The following HAPLN3 variants were observed in gnomAD, a reference collection of about 807,000 sequenced individuals.
HAPLN3 encodes extracellular link domain containing, 1.
A neutral mutation model predicts 28.1 loss-of-function variants in HAPLN3; 28 were observed. The ratio of observed to expected loss-of-function variants is 1.00; its 90% confidence interval spans 0.74 to 1.37. The LOEUF (loss-of-function observed/expected upper bound fraction) is 1.37, where lower values mean the gene tolerates loss of function less well. HAPLN3 is among the 40% of genes most tolerant of loss of function. The probability of loss-of-function intolerance (pLI) is 0.00; values close to 1 mark genes in which losing one functional copy is unlikely to be tolerated. For synonymous variants in HAPLN3, 211 were observed against 213.1 expected (o/e 0.99, Z 0.09); for missense variants, 513 against 504.6 (o/e 1.02, Z -0.16).
Position 88,880,549 on chromosome 15 carries a change from T to A in HAPLN3, c.493+808A>T. 1 of 1,287,988 alleles carries A rather than the reference T, an allele frequency of 7.8e-7. No individual in the cohort carries two copies. Among genetic ancestry groups the A allele is most frequent in the Non-Finnish European group, 1.0e-6 (1 of 987,768 alleles). The allele number at this position is 1,287,988 out of a possible 1,614,324, so 79.8% of individuals were successfully genotyped here. A position where few individuals can be genotyped will look rare whatever the true frequency, so the allele number is the denominator to read the frequency against. ...GGCTGGGGCTAAAGTCAGGTCACCTTCCTCTATCCCCGAACTGCCTCCCTA... is the reference window on the plus strand; with the variant it reads ...GGCTGGGGCTAAAGTCAGGTCACCTACCTCTATCCCCGAACTGCCTCCCTA... On this transcript the variant is annotated intron_variant, in intron 3 of 4. Transcript: ENST00000359595. This position sits in a 1 kb window ranked among gnomAD's most constrained non-coding sequence, Gnocchi z 6.0.
intron 1 of HAPLN3, chr15:88,892,835 C>A: frequency 3.2e-6 from 3 of 932,416 alleles, no homozygotes; most frequent in Non-Finnish European, 4.7e-6. Flanking sequence ...CCATCTCTGA[C>A]CATCCCTGAC....
chr15:88,893,105 T>A (rs1230158493), intron 1 of HAPLN3: 1 of 805,978 alleles, frequency 1.2e-6, no homozygotes, highest in South Asian at 1.4e-5. Flanking sequence ...GTGCCTCCAT[T>A]TCCTCATCTG....
At chr15:88,883,993 C>A (rs1262084982) in intron 2 of HAPLN3, among the ~76,000 whole-genome samples, 1 of 151,740 alleles carries the variant, frequency 6.6e-6, no homozygotes, top group Non-Finnish European at 1.5e-5. Flanking sequence ...GTGGAAGGAT[C>A]TCTTGAGCCC....
At chr15:88,886,661 C>A (rs962880787) in intron 2 of HAPLN3, among the ~76,000 whole-genome samples, 2 of 151,854 alleles carry the variant, frequency 1.3e-5, no homozygotes, top group Non-Finnish European at 2.9e-5. Context: ...CCCTTCTCTA[C>A]TAAAAATACA....
chr15:88,894,684 C>G (rs1048853458), intron 1 of HAPLN3, among the ~76,000 whole-genome samples: 3 of 152,216 alleles, frequency 2.0e-5, no homozygotes, highest in African/African-American at 4.8e-5. Flanking sequence ...CGCGGGTCAG[C>G]GCTGGACACC....
At chr15:88,882,452 C>A (rs1442893023) in intron 2 of HAPLN3, among the ~76,000 whole-genome samples, 1 of 152,226 alleles carries the variant, frequency 6.6e-6, no homozygotes, top group Admixed American at 6.5e-5. Context: ...GACAGCACAG[C>A]CCTGGCTTTA....
Position 88,879,633 on chromosome 15 carries a change from C to T in HAPLN3, c.494-364G>A. On this transcript the variant is annotated intron_variant, in intron 3 of 4. Transcript: ENST00000359595. The surrounding 1 kb of genome is among the most constrained non-coding windows in gnomAD (Gnocchi z 5.0). ...TCTAGGGGCCAGGTTTGACTCCCAGCTCCCCACTCGTTAGCTGGGACCCGA... is the reference window on the plus strand; with the variant it reads ...TCTAGGGGCCAGGTTTGACTCCCAGTTCCCCACTCGTTAGCTGGGACCCGA... The T allele has an allele frequency of 8.0e-7, 1 of 1,251,772 alleles. No homozygotes were observed. The highest frequency in any genetic ancestry group is 2.2e-4 in the Middle Eastern group (1 of 4,474). The allele number at this position is 1,251,772 out of a possible 1,614,324, so 77.5% of individuals were successfully genotyped here. A position where few individuals can be genotyped will look rare whatever the true frequency, so the allele number is the denominator to read the frequency against.
In HAPLN3 at chr15:88,880,379, A is replaced by T; in HGVS notation, c.493+978T>A. Reference sequence around the variant, plus strand: ...ATGTGGACACTGGTGGCAAAGACAGAGAACGCATTTTAAGGACATACATCT... The same window carrying T: ...ATGTGGACACTGGTGGCAAAGACAGTGAACGCATTTTAAGGACATACATCT... On this transcript the variant is annotated intron_variant, in intron 3 of 4. Coordinates refer to ENST00000359595, the MANE Select transcript of HAPLN3 (RefSeq NM_178232.4). This position sits in a 1 kb window ranked among gnomAD's most constrained non-coding sequence, Gnocchi z 6.0. 5.3e-6 allele frequency: 6 copies of T among 1,130,332 alleles called. No individual in the cohort carries two copies. The highest frequency in any genetic ancestry group is 6.6e-6 in the Non-Finnish European group (6 of 909,672). The allele number at this position is 1,130,332 out of a possible 1,614,324, so 70.0% of individuals were successfully genotyped here. A position where few individuals can be genotyped will look rare whatever the true frequency, so the allele number is the denominator to read the frequency against.
rs1897712746 is a variant in HAPLN3 at position 88,881,792 on chromosome 15, G to A, written c.125-67C>T. The stretch of plus-strand genomic sequence containing the variant: ...CATCTGTACCCCTGCAAGGGCCACC[G>A]CACACCCTCATCCACGGCTCCTACA... On this transcript the variant is annotated intron_variant, in intron 2 of 4. Transcript: ENST00000359595. This position sits in a 1 kb window ranked among gnomAD's most constrained non-coding sequence, Gnocchi z 6.0. 1.2e-5 allele frequency: 18 copies of A among 1,516,870 alleles called. No homozygotes were observed. The highest frequency in any genetic ancestry group is 2.1e-4 in the Middle Eastern group (1 of 4,744). 94.0% of individuals were successfully genotyped at this position (1,516,870 alleles called of 1,614,324 possible). A position where few individuals can be genotyped will look rare whatever the true frequency, so the allele number is the denominator to read the frequency against.
In HAPLN3 at chr15:88,878,048, TG is replaced by T. The variant is rs752466868; in HGVS notation, c.1004del (p.Pro335GlnfsTer56). The T allele has an allele frequency of 7.4e-6, 12 of 1,613,918 alleles. No homozygotes were observed. Among genetic ancestry groups the T allele is most frequent in the Non-Finnish European group, 1.0e-5 (12 of 1,179,998 alleles). On this transcript the variant is annotated frameshift_variant, in exon 5 of 5. Transcript: ENST00000359595. LOFTEE classifies it low-confidence loss of function (END_TRUNC). Reference sequence around the variant, plus strand: ...AGCCAAAGCTTCGGACCCCAGGCTCTGGGGGCCCACAGTTAGGATGCGGGTG... The same window carrying T: ...AGCCAAAGCTTCGGACCCCAGGCTCTGGGGCCCACAGTTAGGATGCGGGTG... ...VVHPHPNCGP[P>X]EPGVRSFGFP... is the part of the protein sequence containing the mutation.
At position 88,880,425 on chromosome 15, in the gene HAPLN3, G is replaced by C. The variant is rs961393709; in HGVS notation, c.493+932C>G. ...CATCTTATCCTCATTGCCTCTGAGGGAGGTAAAGGAGGAAAGATTGTGATA... is the reference window on the plus strand; with the variant it reads ...CATCTTATCCTCATTGCCTCTGAGGCAGGTAAAGGAGGAAAGATTGTGATA... On this transcript the variant is annotated intron_variant, in intron 3 of 4. Transcript: ENST00000359595. This position sits in a 1 kb window ranked among gnomAD's most constrained non-coding sequence, Gnocchi z 6.0. The C allele has an allele frequency of 1.7e-6, 2 of 1,181,522 alleles. No homozygotes were observed. The highest frequency in any genetic ancestry group is 3.2e-5 in the South Asian group (2 of 62,394). 73.2% of individuals were successfully genotyped at this position (1,181,522 alleles called of 1,614,324 possible). A position where few individuals can be genotyped will look rare whatever the true frequency, so the allele number is the denominator to read the frequency against.
intron 1 of HAPLN3, among the ~76,000 whole-genome samples, chr15:88,894,676 C>G (rs919131050): frequency 2.6e-5 from 4 of 152,210 alleles, no homozygotes; most frequent in African/African-American, 4.8e-5. Flanking sequence ...GGCACTCCCG[C>G]GGGTCAGCGC....
chr15:88,887,956 T>A (rs1055100451), intron 1 of HAPLN3, among the ~76,000 whole-genome samples: 1 of 151,202 alleles, frequency 6.6e-6, no homozygotes, highest in Non-Finnish European at 1.5e-5. Context: ...AGAGTGAAAC[T>A]CTATCTCAAA....
rs1897920758 is a variant in HAPLN3 at position 88,888,248 on chromosome 15, AG to A, written c.-47-904del. On this transcript the variant is annotated intron_variant, in intron 1 of 4. Coordinates refer to ENST00000359595, the MANE Select transcript of HAPLN3 (RefSeq NM_178232.4). The surrounding 1 kb of genome is among the most constrained non-coding windows in gnomAD (Gnocchi z 4.1). ...CTGGGACTACAGGTGCGTGCCACCA[AG>A]CTCAGCTAATTTTTTGTAATTTTAG... is the stretch of plus-strand genomic sequence containing the variant. Among the ~76,000 whole-genome samples the A allele has an allele frequency of 6.6e-6, 1 of 151,736 alleles. No homozygotes were observed. Among genetic ancestry groups the A allele is most frequent in the Non-Finnish European group, 1.5e-5 (1 of 67,944 alleles).
chr15:88,878,106 A>G lies in HAPLN3; in HGVS notation c.947T>C (p.Leu316Pro). ...HGLDRCDAGW[L>P]ADGSVRYPVV... ...AGGGTAGCGGACGCTACCATCTGCC[A>G]GCCAGCCAGCGTCGCAGCGGTCCAG... Residue 316 changes from leucine to proline, a missense_variant, in exon 5 of 5, where the codon CTG (leucine) becomes CCG (proline). Transcript: ENST00000359595. The G allele has an allele frequency of 6.2e-7, 1 of 1,613,274 alleles. No homozygotes were observed. The highest frequency in any genetic ancestry group is 1.3e-5 in the African/African-American group (1 of 74,992).
Position 88,889,873 on chromosome 15 carries a change from C to T in HAPLN3, c.-47-2528G>A, listed in dbSNP as rs543591164. Among the ~76,000 whole-genome samples, 29 of 152,146 alleles carry T rather than the reference C, an allele frequency of 1.9e-4. 1 individual carries two copies. The South Asian group carries it at 5.8e-3, about 31-fold the overall frequency. On this transcript the variant is annotated intron_variant, in intron 1 of 4. Transcript: ENST00000359595. ...AAAGCAGAACATACAATTGCCTCTG[C>T]TATGATTGCAACCATGTGGTCTTGT...
At chr15:88,890,035 AAAGG>A (rs960495209) in intron 1 of HAPLN3, among the ~76,000 whole-genome samples, 12 of 107,646 alleles carry the variant, frequency 1.1e-4, no homozygotes, top group African/African-American at 3.1e-4. Flanking sequence ...GGAAGGAAGG[AAAGG>A]AAGGAAGGAA....
At chr15:88,889,298 C>T (rs1056049150) in intron 1 of HAPLN3, among the ~76,000 whole-genome samples, 2 of 151,968 alleles carry the variant, frequency 1.3e-5, no homozygotes, top group East Asian at 1.9e-4. Flanking sequence ...CCAGGGCCAG[C>T]GTCTGGATGC....
At chr15:88,886,122 G>T (rs1017181207) in intron 2 of HAPLN3, among the ~76,000 whole-genome samples, 2 of 151,868 alleles carry the variant, frequency 1.3e-5, no homozygotes, top group Non-Finnish European at 2.9e-5. Flanking sequence ...GGCTGAGGCG[G>T]GTGGATCACC....
Sources: allele counts gnomAD v4.1 joint callset (sites outside exome capture counted in the v4.1 genomes callset), GRCh38; gene constraint gnomAD v4.1.1; non-coding constraint Gnocchi (gnomAD v3.1); transcripts MANE v1.5; gene names NCBI Gene and HGNC (gene_info 2026-07-23, HGNC 2026-07-21).